The following UBR3 variants were observed in gnomAD, a reference collection of about 807,000 sequenced individuals.
The protein encoded by UBR3 is E3 ubiquitin-protein ligase UBR3.
UBR3 carries 85 observed loss-of-function variants against 243.2 expected under a neutral mutation model. The observed-to-expected ratio is 0.35, with a 90% confidence interval of 0.29 to 0.42. UBR3 has a LOEUF of 0.42. Among genes scored for constraint, UBR3 ranks in the 10% least tolerant of loss-of-function variants. The pLI is 1.00. For missense variants in UBR3, 1,686 were observed against 2,300.8 expected (o/e 0.73, Z 5.47); for synonymous variants, 748 against 799.8 (o/e 0.94, Z 1.09).
rs1017967501 is a variant in UBR3, at chr2:169,898,990, C to T, written c.1465+2255C>T. 1.1e-4 allele frequency among the ~76,000 whole-genome samples: 17 copies of T among 151,002 alleles called. No individual in the cohort carries two copies. In the East Asian group the frequency reaches 1.8e-3, roughly 16 times the overall value. Reference sequence around the variant, plus strand: ...TGCTGGGATTACAGGCGTGAGCCACCGCGCCTGGCTGGAGTTTCACTCTTG... The same window carrying T: ...TGCTGGGATTACAGGCGTGAGCCACTGCGCCTGGCTGGAGTTTCACTCTTG... On this transcript the variant is annotated intron_variant, in intron 8 of 38. Coordinates refer to ENST00000272793, the MANE Select transcript of UBR3 (RefSeq NM_172070.4).
chr2:169,904,908 A>G (rs185295641), intron 8 of UBR3, among the ~76,000 whole-genome samples: 199 of 152,250 alleles, frequency 1.3e-3, no homozygotes, highest in Middle Eastern at 6.8e-3. Flanking sequence ...TTCTTTTAAG[A>G]TGGATGTTTT....
intron 24 of UBR3, among the ~76,000 whole-genome samples, chr2:169,968,657 G>A (rs1035636246): frequency 6.6e-6 from 1 of 152,084 alleles, no homozygotes; most frequent in African/African-American, 2.4e-5. Context: ...ACATGGACAC[G>A]CAGCTGGCTC....
At position 170,005,194 on chromosome 2, in the gene UBR3, A is replaced by G. The variant is rs186796292; in HGVS notation, c.4030-1796A>G. Among the ~76,000 whole-genome samples, 770 of 152,322 alleles carry G rather than the reference A, an allele frequency of 5.1e-3. 4 individuals are homozygous for G. Among genetic ancestry groups the G allele is most frequent in the African/African-American group, 0.018 (748 of 41,572 alleles). ...AGCTGAGATCGCGCCACTGCACTCC[A>G]GTCTGGGCAATAGAGCAAGGCTCCG... On this transcript the variant is annotated intron_variant, in intron 27 of 38. Coordinates refer to ENST00000272793, the MANE Select transcript of UBR3 (RefSeq NM_172070.4).
At chr2:169,845,531 G>GTCGTCGTCT (rs1417692949) in intron 1 of UBR3, among the ~76,000 whole-genome samples, 35 of 105,200 alleles carry the variant, frequency 3.3e-4, no homozygotes, top group Middle Eastern at 4.4e-3. Context: ...CGTCGTCGTC[G>GTCGTCGTCT]TCTTCTTCTT....
chr2:169,991,108 G>A (rs1486833546), intron 25 of UBR3, among the ~76,000 whole-genome samples: 2 of 152,090 alleles, frequency 1.3e-5, no homozygotes, highest in South Asian at 2.1e-4. Flanking sequence ...ATTGTTACAA[G>A]AGACAAAGAA....
chr2:169,856,438 G>A (rs997238102), intron 1 of UBR3, among the ~76,000 whole-genome samples: 12 of 152,178 alleles, frequency 7.9e-5, no homozygotes, highest in African/African-American at 2.9e-4. Flanking sequence ...GGTGGCGGCC[G>A]GGCAGAGGCT....
In UBR3 at chr2:169,872,220, C is replaced by A; in HGVS notation, c.546-16C>A. The A allele has an allele frequency of 2.0e-6, 3 of 1,475,022 alleles. No individual in the cohort carries two copies. 91.4% of individuals were successfully genotyped at this position (1,475,022 alleles called of 1,614,324 possible). A position where few individuals can be genotyped will look rare whatever the true frequency, so the allele number is the denominator to read the frequency against. On this transcript the variant is annotated splice_polypyrimidine_tract_variant and intron_variant, in intron 1 of 38. Transcript: ENST00000272793. ...ATTAGACATTACTGTTAATTTTTTT[C>A]TTTTTCATATTACAGGTTTTGCAAA...
At chr2:169,880,450 T>A (rs1056820698) in intron 5 of UBR3, among the ~76,000 whole-genome samples, 1 of 152,198 alleles carries the variant, frequency 6.6e-6, no homozygotes, top group Non-Finnish European at 1.5e-5. Context: ...CACAGATGCC[T>A]TCTCCTCTGT....
chr2:169,929,133 A>G (rs956601508), intron 18 of UBR3, among the ~76,000 whole-genome samples: 1 of 152,222 alleles, frequency 6.6e-6, no homozygotes, highest in Non-Finnish European at 1.5e-5. Context: ...ATTCATTTTT[A>G]TAAGTGATCA....
At chr2:170,046,364 T>C (rs953700565) in intron 32 of UBR3, among the ~76,000 whole-genome samples, 1 of 152,150 alleles carries the variant, frequency 6.6e-6, no homozygotes, top group Non-Finnish European at 1.5e-5. Flanking sequence ...AATCTGTGGG[T>C]TGCCTCCCTC....
intron 21 of UBR3, among the ~76,000 whole-genome samples, chr2:169,947,233 A>G (rs1360532954): frequency 6.6e-6 from 1 of 152,120 alleles, no homozygotes; most frequent in Non-Finnish European, 1.5e-5. Flanking sequence ...TGTATTACTA[A>G]TGGGTGAGGA....
chr2:169,948,531 C>G (rs1297274315), intron 22 of UBR3, among the ~76,000 whole-genome samples: 1 of 151,998 alleles, frequency 6.6e-6, no homozygotes, highest in Non-Finnish European at 1.5e-5. Flanking sequence ...TCTCCACAAC[C>G]TAGATTTTCG....
At chr2:170,019,844 T>A (rs2090342996) in intron 30 of UBR3, among the ~76,000 whole-genome samples, 1 of 152,152 alleles carries the variant, frequency 6.6e-6, no homozygotes, top group Admixed American at 6.5e-5. Flanking sequence ...GGCACAATCA[T>A]AGTTCACTGC....
At chr2:169,961,107 A>G (rs900767331) in intron 24 of UBR3, among the ~76,000 whole-genome samples, 2 of 152,038 alleles carry the variant, frequency 1.3e-5, no homozygotes, top group African/African-American at 2.4e-5. Context: ...GCAAGAACCA[A>G]TGTGCCTTTA....
At chr2:170,064,803 ATTTTTTTTTTTTT>A in intron 35 of UBR3, among the ~76,000 whole-genome samples, 2 of 87,878 alleles carry the variant, frequency 2.3e-5, no homozygotes, top group Non-Finnish European at 4.5e-5. Context: ...TGCTTTTTCT[ATTTTTTTTTTTTT>A]TTTTTTTTTG....
chr2:169,958,535 A>G lies in UBR3; in HGVS notation c.3634+9A>G, dbSNP rs1208134652. The G allele has an allele frequency of 1.2e-6, 2 of 1,610,670 alleles. No individual in the cohort carries two copies. The highest frequency in any genetic ancestry group is 1.7e-6 in the Non-Finnish European group (2 of 1,177,728). ...AACTGCAATGGATGTTGGTAAGTCA[A>G]AATTATTAGTTTAGAACTCTCATAA... On this transcript the variant is annotated intron_variant, in intron 24 of 38. Transcript: ENST00000272793.
chr2:170,009,259 A>G (rs2090013947), intron 29 of UBR3, among the ~76,000 whole-genome samples: 1 of 152,176 alleles, frequency 6.6e-6, no homozygotes, highest in Admixed American at 6.5e-5. Flanking sequence ...AAGTGATAAT[A>G]CTGAGAACTA....
At chr2:169,890,558 T>C (rs761596853) in intron 5 of UBR3, among the ~76,000 whole-genome samples, 37 of 105,960 alleles carry the variant, frequency 3.5e-4, no homozygotes, top group Admixed American at 6.9e-4. Flanking sequence ...TATATATATA[T>C]ATATATGTGT....
chr2:170,080,090 C>A, intron 37 of UBR3, 67 bp downstream of exon 37: 1 of 1,411,200 alleles, frequency 7.1e-7, no homozygotes, highest in Non-Finnish European at 9.8e-7. Flanking sequence ...TATGGTCAAG[C>A]CATCTCTTCA....
Sources: gnomAD v4.1 joint callset for allele counts (sites outside exome capture counted in the v4.1 genomes callset) on GRCh38, gnomAD v4.1.1 for gene constraint, MANE v1.5 for transcripts, NCBI Gene and HGNC (gene_info 2026-07-23, HGNC 2026-07-21) for gene names.